The following SALL3 variants were observed in gnomAD, a reference collection of about 807,000 sequenced individuals.
The protein encoded by SALL3 is sal-like protein 3.
A neutral mutation model predicts 66.2 loss-of-function variants in SALL3; 25 were observed. The observed-to-expected ratio is 0.38, with a 90% CI of 0.28 to 0.53. SALL3 has a LOEUF of 0.53. Ranked by LOEUF, SALL3 falls within the 20% of genes least tolerant of loss-of-function variation. The pLI, the probability that SALL3 is intolerant of heterozygous loss-of-function variation, is 0.85. For synonymous variants in SALL3, 1,152 were observed against 899.1 expected (o/e 1.28, Z -5.03); for missense variants, 2,194 against 1,916.5 (o/e 1.14, Z -2.70).
In SALL3 at chr18:78,980,201, C is replaced by G. The variant is rs1913962023; in HGVS notation, c.-74C>G. The G allele has an allele frequency of 1.4e-6, 1 of 698,012 alleles. No individual in the cohort carries two copies. The highest frequency in any genetic ancestry group is 2.0e-5 in the African/African-American group (1 of 50,486). 43.2% of individuals were successfully genotyped at this position (698,012 alleles called of 1,614,324 possible). A position where few individuals can be genotyped will look rare whatever the true frequency, so the allele number is the denominator to read the frequency against. On this transcript the variant is annotated 5_prime_UTR_variant, in exon 1 of 3. Transcript: ENST00000537592. ...CGCCCCGCGCCGCGCGCCCGCCAGG[C>G]CGCCCCGCGCCGTCCCCGCCGGCCG...
Position 78,993,833 on chromosome 18 carries a change from C to G in SALL3, c.1842C>G (p.Gly614=), listed in dbSNP as rs1025773855. The change falls in exon 2 of 3, where the codon GGC becomes GGG. Residue 614 remains glycine, a synonymous_variant. Coordinates refer to ENST00000537592, the MANE Select transcript of SALL3 (RefSeq NM_171999.4). ...CCAGGGCCGGGGACGCTCCCGTGGG[C>G]GCGCAGGCTAGCGCTGCACCCACAT... ...TNARAGDAPV[G]AQASAAPTSV... 2 of 1,552,984 alleles carry G rather than the reference C, an allele frequency of 1.3e-6. No individual in the cohort carries two copies. The highest frequency in any genetic ancestry group is 4.8e-5 in the East Asian group (2 of 41,472).
In SALL3 at chr18:78,992,065, G is replaced by C. The variant is rs1297460814; in HGVS notation, c.83-9G>C. The C allele has an allele frequency of 6.8e-7, 1 of 1,468,654 alleles. No homozygotes were observed. The highest frequency in any genetic ancestry group is 9.0e-7 in the Non-Finnish European group (1 of 1,106,754). 91.0% of individuals were successfully genotyped at this position (1,468,654 alleles called of 1,614,324 possible). A position where few individuals can be genotyped will look rare whatever the true frequency, so the allele number is the denominator to read the frequency against. On this transcript the variant is annotated splice_polypyrimidine_tract_variant and intron_variant, in intron 1 of 2. Transcript: ENST00000537592. Reference sequence around the variant, plus strand: ...GAGCCCCGGCTGACTCACTCTCTTGGTCTTGCAGCCGCCCCGGGGGAAGGT... The same window carrying C: ...GAGCCCCGGCTGACTCACTCTCTTGCTCTTGCAGCCGCCCCGGGGGAAGGT...
chr18:78,993,285 G>C lies in SALL3; in HGVS notation c.1294G>C (p.Asp432His), dbSNP rs769610468. The part of the protein sequence containing the change: ...CRFCAKVFGS[D>H]SALQIHLRSH... ...CTTCTGCGCCAAGGTCTTCGGCAGC[G>C]ACAGCGCGCTCCAGATCCACCTGCG... The change falls in exon 2 of 3, where the codon GAC (aspartate) becomes CAC (histidine). Residue 432 changes from aspartate (D) to histidine (H), a missense_variant. Coordinates refer to ENST00000537592, the MANE Select transcript of SALL3 (RefSeq NM_171999.4). 6.2e-7 allele frequency: 1 copy of C among 1,611,150 alleles called. No homozygotes were observed. Among genetic ancestry groups the C allele is most frequent in the South Asian group, 1.1e-5 (1 of 91,028 alleles).
rs1914763107 is a variant in SALL3, at chr18:78,998,143, A to ATTT, written c.*823_*824insTTT. On this transcript the variant is annotated 3_prime_UTR_variant, in exon 3 of 3. Transcript: ENST00000537592. The stretch of plus-strand genomic sequence containing the variant: ...AACATCACCGTAAATGACTCACAAC[A>ATTT]TTATAAACAGTTGTGAGAAAATATT... 2.6e-5 allele frequency: 4 copies of ATTT among 152,558 alleles called. No homozygotes were observed. The South Asian group carries it at 6.2e-4, about 24-fold the overall frequency. 9.5% of individuals were successfully genotyped at this position (152,558 alleles called of 1,614,324 possible).
At chr18:78,990,076 C>T (rs1188460225) in intron 1 of SALL3, among the ~76,000 whole-genome samples, 1 of 152,154 alleles carries the variant, frequency 6.6e-6, no homozygotes, top group Non-Finnish European at 1.5e-5. Flanking sequence ...TCTTTTTGTT[C>T]TTTGCCCTAT....
chr18:78,992,621 G>A lies in SALL3; in HGVS notation c.630G>A (p.Met210Ile). ...AAVPLILEQL[M>I]ALQQQQIHQL... ...TGCCCCTGATCCTGGAACAGCTCATGGCCCTGCAGCAGCAGCAGATCCACC... is the reference window on the plus strand; with the variant it reads ...TGCCCCTGATCCTGGAACAGCTCATAGCCCTGCAGCAGCAGCAGATCCACC... The change falls in exon 2 of 3, where the codon ATG becomes ATA. Residue 210 changes from methionine (M) to isoleucine (I), a missense_variant. Met to Ile is a conservative substitution (Grantham distance 10). Coordinates refer to ENST00000537592, the MANE Select transcript of SALL3 (RefSeq NM_171999.4). The A allele has an allele frequency of 6.4e-7, 1 of 1,552,432 alleles. No individual in the cohort carries two copies. Among genetic ancestry groups the A allele is most frequent in the Non-Finnish European group, 8.6e-7 (1 of 1,156,358 alleles).
chr18:78,980,356 G>A lies in SALL3; in HGVS notation c.82G>A (p.Ala28Thr). 2.1e-6 allele frequency: 3 copies of A among 1,432,836 alleles called. No homozygotes were observed. The highest frequency in any genetic ancestry group is 2.5e-4 in the Middle Eastern group (1 of 3,946). 88.8% of individuals were successfully genotyped at this position (1,432,836 alleles called of 1,614,324 possible). ...LLPPDGAPEH[A>T]APGEGAEDAD... ...GCCGCCTGACGGGGCTCCCGAGCACGGTGAGGGCCGGGGCTGCGGGGTGGC... is the reference window on the plus strand; with the variant it reads ...GCCGCCTGACGGGGCTCCCGAGCACAGTGAGGGCCGGGGCTGCGGGGTGGC... The change falls in exon 1 of 3, where the codon GCC (alanine) becomes ACC (threonine). Residue 28 changes from alanine (A) to threonine (T), a missense_variant and splice_region_variant. By Grantham distance (58) the Ala-to-Thr change is moderately conservative (BLOSUM62 0). Transcript: ENST00000537592.
In SALL3 at chr18:78,997,626, A is replaced by C; in HGVS notation, c.*304A>C. 32 of 396,912 alleles carry C rather than the reference A, an allele frequency of 8.1e-5. No individual in the cohort carries two copies. Among genetic ancestry groups the C allele is most frequent in the East Asian group, 2.4e-4 (6 of 25,112 alleles). The allele number at this position is 396,912 out of a possible 1,614,324, so 24.6% of individuals were successfully genotyped here. A position where few individuals can be genotyped will look rare whatever the true frequency, so the allele number is the denominator to read the frequency against. On this transcript the variant is annotated 3_prime_UTR_variant, in exon 3 of 3. Coordinates refer to ENST00000537592, the MANE Select transcript of SALL3 (RefSeq NM_171999.4). ...ACTTCCTTTCTCCTGAAACCTAATA[A>C]TCTCTCCGAGGGAGAAAGGGGTTCT...
chr18:78,986,230 AAT>A (rs763670425), intron 1 of SALL3, among the ~76,000 whole-genome samples: 5 of 152,180 alleles, frequency 3.3e-5, no homozygotes, highest in Non-Finnish European at 1.5e-5. Context: ...AAAAACTGCA[AAT>A]GTTTTAAGCA....
Position 78,992,443 on chromosome 18 carries a change from C to A in SALL3, c.452C>A (p.Ala151Asp). ...CGCGCGCCCCGGCCCCCGCCTGCGG[C>A]CCCTGCACCCCCAACGCCCGCCTAC... ...DTRAPRPPPA[A>D]PAPPTPAYGA... The change falls in exon 2 of 3, where the codon GCC (alanine) becomes GAC (aspartate). Residue 151 changes from alanine to aspartate, a missense_variant. Physicochemically the swap from Ala to Asp is moderately radical, Grantham distance 126 (BLOSUM62 -2). Transcript: ENST00000537592. 5 of 1,400,644 alleles carry A rather than the reference C, an allele frequency of 3.6e-6. No individual in the cohort carries two copies. The highest frequency in any genetic ancestry group is 4.6e-6 in the Non-Finnish European group (5 of 1,084,334). 86.8% of individuals were successfully genotyped at this position (1,400,644 alleles called of 1,614,324 possible). A position where few individuals can be genotyped will look rare whatever the true frequency, so the allele number is the denominator to read the frequency against.
intron 1 of SALL3, among the ~76,000 whole-genome samples, chr18:78,985,931 C>T (rs1914231060): frequency 6.6e-6 from 1 of 152,200 alleles, no homozygotes; most frequent in Non-Finnish European, 1.5e-5. Flanking sequence ...GTTTTCACCC[C>T]CTCATCAAAT....
intron 1 of SALL3, among the ~76,000 whole-genome samples, chr18:78,981,423 T>A (rs2981423): frequency 2.0e-5 from 3 of 152,158 alleles, no homozygotes. Context: ...TGACCTGTTA[T>A]AAGTTGTTGG....
intron 1 of SALL3, among the ~76,000 whole-genome samples, chr18:78,986,199 G>A (rs1031268349): frequency 3.9e-5 from 6 of 152,158 alleles, no homozygotes; most frequent in African/African-American, 9.7e-5. Flanking sequence ...GTCTCCTCCC[G>A]GGTGCTTCAC....
Position 78,995,355 on chromosome 18 carries a change from T to G in SALL3, c.3364T>G (p.Phe1122Val). The G allele has an allele frequency of 1.3e-6, 2 of 1,576,646 alleles. No homozygotes were observed. The highest frequency in any genetic ancestry group is 1.7e-6 in the Non-Finnish European group (2 of 1,168,480). ...QHNCQSCGKT[F>V]SSASALQIHE... ...CAACTGCCAGTCGTGCGGGAAGACC[T>G]TCTCCTCGGCCAGCGCCCTGCAGAT... The change falls in exon 2 of 3, where the codon TTC becomes GTC. Residue 1122 changes from phenylalanine to valine, a missense_variant. Phe to Val is a conservative substitution (Grantham distance 50). Transcript: ENST00000537592.
chr18:78,992,056 ACT>A lies in SALL3; in HGVS notation c.83-13_83-12del, dbSNP rs1272365940. On this transcript the variant is annotated splice_polypyrimidine_tract_variant and intron_variant, in intron 1 of 2. Transcript: ENST00000537592. ...GCGGGCGCCGAGCCCCGGCTGACTC[ACT>A]CTCTTGGTCTTGCAGCCGCCCCGGG... 7.1e-7 allele frequency: 1 copy of A among 1,418,002 alleles called. No individual in the cohort carries two copies. The highest frequency in any genetic ancestry group is 1.5e-5 in the African/African-American group (1 of 67,138). The allele number at this position is 1,418,002 out of a possible 1,614,324, so 87.8% of individuals were successfully genotyped here.
At chr18:78,990,150 GTATT>G (rs1914378727) in intron 1 of SALL3, among the ~76,000 whole-genome samples, 1 of 152,180 alleles carries the variant, frequency 6.6e-6, no homozygotes, top group Non-Finnish European at 1.5e-5. Flanking sequence ...AGTACTTGGA[GTATT>G]TATTTTGCTA....
Position 78,997,173 on chromosome 18 carries a change from C to A in SALL3, c.3754C>A (p.Pro1252Thr), listed in dbSNP as rs138463518. 4.3e-4 allele frequency: 701 copies of A among 1,614,058 alleles called. 2 individuals carry two copies. Among genetic ancestry groups the A allele is most frequent in the Middle Eastern group, 2.6e-3 (16 of 6,062 alleles). Residue 1252 changes from proline to threonine, a missense_variant, in exon 3 of 3, where the codon CCT becomes ACT. Physicochemically the swap from Pro to Thr is conservative, Grantham distance 38. Coordinates refer to ENST00000537592, the MANE Select transcript of SALL3 (RefSeq NM_171999.4). ...PVSLGGSALP[P>T]LGSMASGMDK... Reference sequence around the variant, plus strand: ...GAGTCTTGGGGGCAGCGCCCTCCCCCCTCTGGGCAGCATGGCCAGTGGGAT... The same window carrying A: ...GAGTCTTGGGGGCAGCGCCCTCCCCACTCTGGGCAGCATGGCCAGTGGGAT...
chr18:78,987,152 A>G (rs1327946176), intron 1 of SALL3, among the ~76,000 whole-genome samples: 1 of 152,202 alleles, frequency 6.6e-6, no homozygotes, highest in Non-Finnish European at 1.5e-5. Flanking sequence ...TGTATTTTAC[A>G]CACACATATT....
At chr18:78,985,675 G>C (rs1914224136) in intron 1 of SALL3, among the ~76,000 whole-genome samples, 1 of 152,218 alleles carries the variant, frequency 6.6e-6, no homozygotes. Context: ...TGGTAGCCTT[G>C]CTTCTGGACG....
Sources: allele counts gnomAD v4.1 joint callset (sites outside exome capture counted in the v4.1 genomes callset), GRCh38; gene constraint gnomAD v4.1.1; transcripts MANE v1.5; gene names NCBI Gene and HGNC (gene_info 2026-07-23, HGNC 2026-07-21).